Variants in PTPRD observed in about 807,000 individuals in gnomAD.
PTPRD encodes protein tyrosine phosphatase receptor type D.
Under a neutral mutation model 214.5 loss-of-function variants are expected in PTPRD, and 34 were observed. The ratio of observed to expected loss-of-function variants is 0.16; its 90% CI spans 0.12 to 0.21. The LOEUF (loss-of-function observed/expected upper bound fraction) is 0.21, where lower values mean the gene tolerates loss of function less well. Ranked by LOEUF, PTPRD falls within the 10% of genes least tolerant of loss-of-function variation. The probability of loss-of-function intolerance (pLI) is 1.00; values close to 1 mark genes in which losing one functional copy is unlikely to be tolerated. For synonymous variants in PTPRD, 1,128 were observed against 845.7 expected (o/e 1.33, Z -5.79); for missense variants, 2,545 against 2,398.7 (o/e 1.06, Z -1.27).
At chr9:9,793,912 T>G (rs1382991598) in intron 5 of PTPRD, among the ~76,000 whole-genome samples, 1 of 152,004 alleles carries the variant, frequency 6.6e-6, no homozygotes, top group Non-Finnish European at 1.5e-5. Flanking sequence ...TTTATGAAAT[T>G]CAACCCACTA....
At position 8,398,941 on chromosome 9, in the gene PTPRD, A is replaced by T. The variant is rs144624269; in HGVS notation, c.4210+5596T>A. Among the ~76,000 whole-genome samples the T allele has an allele frequency of 2.5e-3, 388 of 152,294 alleles. 3 individuals are homozygous for T. The highest frequency in any genetic ancestry group is 4.2e-3 in the Non-Finnish European group (285 of 68,020). On this transcript the variant is annotated intron_variant, in intron 36 of 45. Transcript: ENST00000381196. ...CTATTTTACTAAGCTTTTTAAAAAAAATCAGATTAATAAGCACTAGTGTTA... is the reference window on the plus strand; with the variant it reads ...CTATTTTACTAAGCTTTTTAAAAAATATCAGATTAATAAGCACTAGTGTTA...
At chr9:8,382,622 G>A (rs1030862846) in intron 37 of PTPRD, among the ~76,000 whole-genome samples, 2 of 152,158 alleles carry the variant, frequency 1.3e-5, no homozygotes, top group Admixed American at 6.5e-5. Context: ...TGTGTCTGCT[G>A]ACAAGAGAAA....
At chr9:8,603,242 A>T (rs1384192704) in intron 14 of PTPRD, among the ~76,000 whole-genome samples, 1 of 146,346 alleles carries the variant, frequency 6.8e-6, no homozygotes, top group Non-Finnish European at 1.5e-5. Flanking sequence ...CTCTTTACAG[A>T]CATCAGCTGG....
intron 3 of PTPRD, among the ~76,000 whole-genome samples, chr9:10,308,202 G>A (rs1004022565): frequency 3.9e-5 from 6 of 151,916 alleles, no homozygotes; most frequent in Admixed American, 3.9e-4. Flanking sequence ...TTCACCTCTT[G>A]CATTTAAGAC....
chr9:10,120,668 T>G (rs1591663956), intron 3 of PTPRD, among the ~76,000 whole-genome samples: 1 of 68,952 alleles, frequency 1.5e-5, no homozygotes. Flanking sequence ...ATATAAATTT[T>G]GAAAAAAAAT....
At chr9:9,674,338 G>T (rs1319238954) in intron 7 of PTPRD, among the ~76,000 whole-genome samples, 1 of 151,544 alleles carries the variant, frequency 6.6e-6, no homozygotes, top group Non-Finnish European at 1.5e-5. Context: ...ATCAAAGTAG[G>T]TTACAGGACT....
chr9:10,060,823 T>TCTTTCTTTCTTTCTTC (rs2097754360), intron 3 of PTPRD, among the ~76,000 whole-genome samples: 1 of 118,112 alleles, frequency 8.5e-6, no homozygotes, highest in Non-Finnish European at 1.6e-5. Context: ...TTTCTTTCTT[T>TCTTTCTTTCTTTCTTC]CTTTCTTCCT....
chr9:8,470,428 A>G (rs1286015693), intron 31 of PTPRD, among the ~76,000 whole-genome samples: 1 of 152,108 alleles, frequency 6.6e-6, no homozygotes, highest in African/African-American at 2.4e-5. Flanking sequence ...TTCTTATTCT[A>G]TATATTCTGC....
At chr9:10,520,633 G>T (rs1349504996) in intron 2 of PTPRD, among the ~76,000 whole-genome samples, 2 of 152,156 alleles carry the variant, frequency 1.3e-5, no homozygotes, top group African/African-American at 2.4e-5. Flanking sequence ...GAGAAGGGAA[G>T]TCGATGCTTG....
chr9:9,217,856 C>T (rs950919213), intron 9 of PTPRD, among the ~76,000 whole-genome samples: 2 of 152,064 alleles, frequency 1.3e-5, no homozygotes, highest in Non-Finnish European at 1.5e-5. Flanking sequence ...ATTTCAGAAG[C>T]GGCTTCCTTT....
chr9:10,471,791 G>C (rs191158656), intron 2 of PTPRD, among the ~76,000 whole-genome samples: 1 of 151,928 alleles, frequency 6.6e-6, no homozygotes, highest in Non-Finnish European at 1.5e-5. Flanking sequence ...AGAGATGTCA[G>C]AAAATATTTA....
At chr9:10,369,053 G>C (rs2097565014) in intron 2 of PTPRD, among the ~76,000 whole-genome samples, 1 of 151,964 alleles carries the variant, frequency 6.6e-6, no homozygotes, top group Non-Finnish European at 1.5e-5. Flanking sequence ...ACAGTGCCAA[G>C]TGTCTCAACT....
intron 8 of PTPRD, among the ~76,000 whole-genome samples, chr9:9,561,800 T>G (rs527457493): frequency 2.5e-4 from 38 of 152,344 alleles, no homozygotes; most frequent in Admixed American, 1.0e-3. Flanking sequence ...TCTTTCTATC[T>G]ACTGGTTGTA....
At chr9:8,616,911 T>C (rs185752514) in intron 14 of PTPRD, among the ~76,000 whole-genome samples, 16 of 152,268 alleles carry the variant, frequency 1.1e-4, no homozygotes, top group East Asian at 7.7e-4. Flanking sequence ...AGACCTTCAG[T>C]TGGCACAGAA....
At chr9:8,901,203 A>G (rs902576442) in intron 11 of PTPRD, among the ~76,000 whole-genome samples, 3 of 152,162 alleles carry the variant, frequency 2.0e-5, no homozygotes, top group African/African-American at 7.2e-5. Flanking sequence ...TGCAGTGTAT[A>G]CCACGACACA....
chr9:9,548,558 C>T, intron 8 of PTPRD, among the ~76,000 whole-genome samples: 1 of 151,876 alleles, frequency 6.6e-6, no homozygotes, highest in East Asian at 1.9e-4. Flanking sequence ...GCCACCATGC[C>T]TGGCTAATTT....
At chr9:8,552,165 C>G (rs2140840011) in intron 14 of PTPRD, among the ~76,000 whole-genome samples, 2 of 152,212 alleles carry the variant, frequency 1.3e-5, no homozygotes, top group South Asian at 4.2e-4. Context: ...ACAGAACTGA[C>G]CTATTACCAA....
intron 7 of PTPRD, among the ~76,000 whole-genome samples, chr9:9,610,951 TGATTG>T (rs1286920769): frequency 3.9e-5 from 6 of 152,140 alleles, no homozygotes; most frequent in Non-Finnish European, 7.4e-5. Context: ...CCTAGAACAG[TGATTG>T]GCAAAAACAA....
chr9:10,222,870 A>T lies in PTPRD; in HGVS notation c.-545+118093T>A, dbSNP rs527873771. 2.0e-5 allele frequency among the ~76,000 whole-genome samples: 3 copies of T among 152,184 alleles called. No individual in the cohort carries two copies. In the East Asian group the frequency reaches 5.8e-4, roughly 30 times the overall value. On this transcript the variant is annotated intron_variant, in intron 3 of 45. Coordinates refer to ENST00000381196, the MANE Select transcript of PTPRD (RefSeq NM_002839.4). Reference sequence around the variant, plus strand: ...ATCCCACTAGATTCTTATTAACCAAAGCTCTGGAAAATCTCAAAGAAAGAT... The same window carrying T: ...ATCCCACTAGATTCTTATTAACCAATGCTCTGGAAAATCTCAAAGAAAGAT...
Sources: gnomAD v4.1 joint callset for allele counts (sites outside exome capture counted in the v4.1 genomes callset) on GRCh38, gnomAD v4.1.1 for gene constraint, MANE v1.5 for transcripts, NCBI Gene and HGNC (gene_info 2026-07-23, HGNC 2026-07-21) for gene names.